The following PRDM11 variants were observed in gnomAD, a reference collection of about 807,000 sequenced individuals.
PRDM11 encodes the protein PR domain-containing protein 11.
Under a neutral mutation model 97.8 loss-of-function variants are expected in PRDM11, and 20 were observed. The ratio of observed to expected loss-of-function variants is 0.20; its 90% CI spans 0.14 to 0.30. PRDM11 has a LOEUF of 0.30. Among genes scored for constraint, PRDM11 ranks in the 10% least tolerant of loss-of-function variants. The pLI, the probability that PRDM11 is intolerant of heterozygous loss-of-function variation, is 1.00. For missense variants in PRDM11, 1,139 were observed against 1,555.2 expected, an observed-to-expected ratio of 0.73 and a Z score of 4.50; for synonymous variants, 599 against 637.7, an observed-to-expected ratio of 0.94 and a Z score of 0.91.
chr11:45,197,636 C>T (rs1176675971), intron 4 of PRDM11, among the ~76,000 whole-genome samples: 1 of 152,102 alleles, frequency 6.6e-6, no homozygotes, highest in African/African-American at 2.4e-5. Context: ...TAAATACATA[C>T]AGCTTTTTGT....
chr11:45,234,906 T>G lies in PRDM11; in HGVS notation c.*6747T>G, dbSNP rs1854475509. 1 of 152,158 alleles carries G rather than the reference T, an allele frequency of 6.6e-6. No homozygotes were observed. The highest frequency in any genetic ancestry group is 2.4e-5 in the African/African-American group (1 of 41,410). The allele number at this position is 152,158 out of a possible 1,614,324, so 9.4% of individuals were successfully genotyped here. On this transcript the variant is annotated 3_prime_UTR_variant, in exon 8 of 8. Coordinates refer to ENST00000683152, the MANE Select transcript of PRDM11 (RefSeq NM_001384648.1). ...TAGGAGTCTATTATCACATACATAT[T>G]AATATGTTAATACTTTCTTTAAAAA...
chr11:45,226,504 T>A lies in PRDM11; in HGVS notation c.1879T>A (p.Tyr627Asn). ...GTGTGAGCTCAAGGTGGTGGACCAG[T>A]ACATGAATGAGGGAGACTGCCAGAT... ...RKCELKVVDQ[Y>N]MNEGDCQILI... Residue 627 changes from tyrosine to asparagine, a missense_variant, in exon 8 of 8, where the codon TAC (tyrosine) becomes AAC (asparagine). By Grantham distance (143) the Tyr-to-Asn change is moderately radical. Around this residue, in one of 2 missense-constraint regions of PRDM11, gnomAD observed 710 missense variants for 1,044.9 expected, o/e 0.68. Coordinates refer to ENST00000683152, the MANE Select transcript of PRDM11 (RefSeq NM_001384648.1). 6.5e-7 allele frequency: 1 copy of A among 1,533,878 alleles called. No individual in the cohort carries two copies. Among genetic ancestry groups the A allele is most frequent in the South Asian group, 1.2e-5 (1 of 83,962 alleles).
At chr11:45,159,745 A>G (rs1757478628) in intron 1 of PRDM11, among the ~76,000 whole-genome samples, 1 of 152,130 alleles carries the variant, frequency 6.6e-6, no homozygotes. Flanking sequence ...AGTCACCGTC[A>G]GTGGCAGTTA....
chr11:45,161,730 A>G (rs1851933387), intron 1 of PRDM11, among the ~76,000 whole-genome samples: 1 of 152,220 alleles, frequency 6.6e-6, no homozygotes, highest in African/African-American at 2.4e-5. Context: ...TGATTTATTT[A>G]GTGCTGGAAA....
At position 45,227,242 on chromosome 11, in the gene PRDM11, A is replaced by G. The variant is rs1854297669; in HGVS notation, c.2617A>G (p.Met873Val). ...AIALALLQFL[M>V]DYQSIKLIYF... ...CGCACTGGCCCTGCTGCAGTTCCTC[A>G]TGGACTACCAGTCCATCAAGCTCAT... Residue 873 changes from methionine (M) to valine (V), a missense_variant, in exon 8 of 8, where the codon ATG (methionine) becomes GTG (valine). By Grantham distance (21) the Met-to-Val change is conservative. Transcript: ENST00000683152. This position sits in a 1 kb window ranked among gnomAD's most constrained non-coding sequence, Gnocchi z 8.0. The G allele has an allele frequency of 3.3e-6, 5 of 1,533,952 alleles. No homozygotes were observed. Among genetic ancestry groups the G allele is most frequent in the Non-Finnish European group, 3.5e-6 (4 of 1,146,736 alleles).
chr11:45,195,254 G>A (rs1204917366), intron 4 of PRDM11, among the ~76,000 whole-genome samples: 1 of 152,126 alleles, frequency 6.6e-6, no homozygotes, highest in African/African-American at 2.4e-5. Context: ...CATTTAAAAT[G>A]TATGATTCAA....
intron 4 of PRDM11, among the ~76,000 whole-genome samples, chr11:45,193,714 G>T (rs187220562): frequency 1.3e-5 from 2 of 152,214 alleles, no homozygotes; most frequent in Non-Finnish European, 2.9e-5. Flanking sequence ...CCCACAAGCC[G>T]TAGTTTGCTG....
intron 5 of PRDM11, among the ~76,000 whole-genome samples, chr11:45,207,603 T>C (rs1183247055): frequency 6.6e-6 from 1 of 152,230 alleles, no homozygotes; most frequent in Non-Finnish European, 1.5e-5. Context: ...TAAGTCCTCC[T>C]GATAGCCCTG....
At chr11:45,213,398 G>T (rs756416231) in intron 5 of PRDM11, 104 of 445,820 alleles carry the variant, frequency 2.3e-4, no homozygotes, top group Non-Finnish European at 3.6e-4. Flanking sequence ...CAACCTTGGG[G>T]CTGCTGCATC....
chr11:45,132,344 C>T (rs1393454338), intron 1 of PRDM11, among the ~76,000 whole-genome samples: 1 of 152,182 alleles, frequency 6.6e-6, no homozygotes, highest in African/African-American at 2.4e-5. Flanking sequence ...CCATCAAATA[C>T]ATACCAAAAA....
At chr11:45,154,707 C>G (rs978338821) in intron 1 of PRDM11, among the ~76,000 whole-genome samples, 6 of 152,168 alleles carry the variant, frequency 3.9e-5, no homozygotes, top group African/African-American at 1.4e-4. Flanking sequence ...GCAACCAGAA[C>G]TCTCCTCCTC....
chr11:45,159,076 C>A (rs1851871204), intron 1 of PRDM11, among the ~76,000 whole-genome samples: 2 of 152,204 alleles, frequency 1.3e-5, no homozygotes, highest in Non-Finnish European at 2.9e-5. Context: ...TCCCAGGGGT[C>A]TGCTCCCCGG....
intron 1 of PRDM11, among the ~76,000 whole-genome samples, chr11:45,113,983 T>A (rs546050168): frequency 6.6e-6 from 1 of 152,126 alleles, no homozygotes; most frequent in Non-Finnish European, 1.5e-5. Context: ...TGACTTCCTC[T>A]TTTTCAATCT....
At position 45,227,499 on chromosome 11, in the gene PRDM11, C is replaced by T; in HGVS notation, c.2874C>T (p.Ser958=). Residue 958 remains serine (S), a synonymous_variant, in exon 8 of 8, where the codon TCC becomes TCT. Coordinates refer to ENST00000683152, the MANE Select transcript of PRDM11 (RefSeq NM_001384648.1). The surrounding 1 kb of genome is among the most constrained non-coding windows in gnomAD (Gnocchi z 8.0). ...NLRVAEAKFQ[S]IREKICQKTQ... ...GGGTGGCTGAAGCCAAGTTCCAGTC[C>T]ATCAGGGAGAAGATCTGCCAGAAGA... The T allele has an allele frequency of 6.5e-7, 1 of 1,533,848 alleles. No homozygotes were observed. The highest frequency in any genetic ancestry group is 8.7e-7 in the Non-Finnish European group (1 of 1,146,732).
upstream of PRDM11, among the ~76,000 whole-genome samples, chr11:45,144,989 A>G (rs1590376573): frequency 1.3e-5 from 2 of 151,228 alleles, no homozygotes; most frequent in South Asian, 2.1e-4. Context: ...CCCTCCCCCA[A>G]CCCCCGTCCC....
At chr11:45,160,789 G>A (rs558386782) in intron 1 of PRDM11, among the ~76,000 whole-genome samples, 10 of 152,326 alleles carry the variant, frequency 6.6e-5, no homozygotes, top group Middle Eastern at 3.4e-3. Flanking sequence ...TGTTGAGACT[G>A]CATAGAACCA....
chr11:45,120,259 T>C (rs1480980382), intron 1 of PRDM11, among the ~76,000 whole-genome samples: 2 of 152,150 alleles, frequency 1.3e-5, no homozygotes, highest in African/African-American at 2.4e-5. Context: ...AGTTCTAACA[T>C]ACACATATGT....
intron 1 of PRDM11, among the ~76,000 whole-genome samples, chr11:45,147,125 C>T (rs1037363867): frequency 6.6e-6 from 1 of 151,108 alleles, no homozygotes; most frequent in Non-Finnish European, 1.5e-5. Flanking sequence ...CCGCGGGAGC[C>T]GGGGGCCGCC....
chr11:45,124,980 TG>T (rs1852530859), intron 1 of PRDM11, among the ~76,000 whole-genome samples: 1 of 152,214 alleles, frequency 6.6e-6, no homozygotes, highest in African/African-American at 2.4e-5. Context: ...GGACTTTTTT[TG>T]GTTGGTAAGC....
Sources: gnomAD v4.1 joint callset for allele counts (sites outside exome capture counted in the v4.1 genomes callset) on GRCh38, gnomAD v4.1.1 for gene constraint, gnomAD v4.1.1 regional missense constraint, Gnocchi (gnomAD v3.1) non-coding constraint, MANE v1.5 for transcripts, NCBI Gene and HGNC (gene_info 2026-07-23, HGNC 2026-07-21) for gene names.